AJAP1: variants seen among roughly 807,000 people sequenced by gnomAD.
AJAP1 encodes the protein adherens junction-associated protein 1.
AJAP1 carries 5 observed loss-of-function variants against 35.0 expected under a neutral mutation model. That is an observed-to-expected ratio of 0.14 (90% CI 0.07 to 0.30). AJAP1 has a LOEUF of 0.30. Ranked by LOEUF, AJAP1 falls within the 10% of genes least tolerant of loss-of-function variation. AJAP1 has a pLI of 1.00. For synonymous variants in AJAP1, 284 were observed against 249.3 expected (o/e 1.14, Z -1.31); for missense variants, 586 against 571.0 (o/e 1.03, Z -0.27).
chr1:4,748,562 A>G lies in AJAP1; in HGVS notation c.830-21291A>G, dbSNP rs1278048919. Among the ~76,000 whole-genome samples the G allele has an allele frequency of 2.0e-5, 3 of 152,216 alleles. No individual in the cohort carries two copies. In the East Asian group the frequency reaches 5.8e-4, roughly 29 times the overall value. On this transcript the variant is annotated intron_variant, in intron 2 of 5. Coordinates refer to ENST00000378191, the MANE Select transcript of AJAP1 (RefSeq NM_018836.4). ...CAGGAGTTTGAAACCAGCCTGGCCA[A>G]TATGGTAAAACCCTGTCTCTACTAA...
chr1:4,671,670 C>T (rs1404528678), intron 1 of AJAP1, among the ~76,000 whole-genome samples: 2 of 152,288 alleles, frequency 1.3e-5, no homozygotes, highest in African/African-American at 4.8e-5. Context: ...TATCCCCATT[C>T]ATCAAATGAT....
intron 1 of AJAP1, among the ~76,000 whole-genome samples, chr1:4,663,516 T>C (rs927505422): frequency 9.9e-5 from 15 of 152,136 alleles, no homozygotes; most frequent in African/African-American, 3.4e-4. Flanking sequence ...ACATTTCCCA[T>C]CCTGGGGTAG....
chr1:4,695,553 G>GA (rs1355990144), intron 1 of AJAP1, among the ~76,000 whole-genome samples: 1 of 152,194 alleles, frequency 6.6e-6, no homozygotes, highest in East Asian at 1.9e-4. Context: ...GCTGCTGTGA[G>GA]AAAGTACCAC....
At chr1:4,735,007 C>T (rs1212232152) in intron 2 of AJAP1, among the ~76,000 whole-genome samples, 3 of 152,262 alleles carry the variant, frequency 2.0e-5, no homozygotes, top group African/African-American at 7.2e-5. Context: ...GTCTTCACCT[C>T]AACTTCCCTG....
At chr1:4,750,527 T>C (rs1270204247) in intron 2 of AJAP1, among the ~76,000 whole-genome samples, 2 of 151,922 alleles carry the variant, frequency 1.3e-5, no homozygotes, top group Non-Finnish European at 2.9e-5. Flanking sequence ...CAGGCTGGGA[T>C]CAGTGGGTTC....
chr1:4,726,528 T>C (rs938137008), intron 2 of AJAP1, among the ~76,000 whole-genome samples: 4 of 152,062 alleles, frequency 2.6e-5, no homozygotes, highest in African/African-American at 9.7e-5. Context: ...GGAGATCCGG[T>C]TGTGGGGTCT....
chr1:4,692,321 C>T lies in AJAP1; in HGVS notation c.30-19579C>T, dbSNP rs1287886698. Reference sequence around the variant, plus strand: ...GCGCCCTGGGCTGCTCTCCTCTCTCCGTCTCTGGGCCCCTCATGCAGCCCT... The same window carrying T: ...GCGCCCTGGGCTGCTCTCCTCTCTCTGTCTCTGGGCCCCTCATGCAGCCCT... On this transcript the variant is annotated intron_variant, in intron 1 of 5. Coordinates refer to ENST00000378191, the MANE Select transcript of AJAP1 (RefSeq NM_018836.4). The surrounding 1 kb of genome is among the most constrained non-coding windows in gnomAD (Gnocchi z 4.4). Among the ~76,000 whole-genome samples, 1 of 152,270 alleles carries T rather than the reference C, an allele frequency of 6.6e-6. No individual in the cohort carries two copies. The highest frequency in any genetic ancestry group is 3.4e-3 in the Middle Eastern group (1 of 294).
At chr1:4,685,454 A>C (rs940722399) in intron 1 of AJAP1, among the ~76,000 whole-genome samples, 13 of 152,214 alleles carry the variant, frequency 8.5e-5, no homozygotes, top group African/African-American at 2.9e-4. Context: ...GAGGATGCTT[A>C]TTTAGGGGGT....
chr1:4,737,144 T>C (rs1640943867), intron 2 of AJAP1, among the ~76,000 whole-genome samples: 1 of 152,108 alleles, frequency 6.6e-6, no homozygotes, highest in South Asian at 2.1e-4. Context: ...GAGCGTCCTT[T>C]CCCTGCCTGC....
At chr1:4,765,968 G>C (rs1445389042) in intron 2 of AJAP1, among the ~76,000 whole-genome samples, 1 of 152,194 alleles carries the variant, frequency 6.6e-6, no homozygotes, top group Non-Finnish European at 1.5e-5. Context: ...AAGCTTTGAT[G>C]GTGGAGGAGC....
rs1170999027 is a variant in AJAP1, at chr1:4,720,411, T to C, written c.829+7712T>C. 6.6e-6 allele frequency among the ~76,000 whole-genome samples: 1 copy of C among 152,058 alleles called. No individual in the cohort carries two copies. The highest frequency in any genetic ancestry group is 1.5e-5 in the Non-Finnish European group (1 of 68,016). On this transcript the variant is annotated intron_variant, in intron 2 of 5. Coordinates refer to ENST00000378191, the MANE Select transcript of AJAP1 (RefSeq NM_018836.4). The surrounding 1 kb of genome is among the most constrained non-coding windows in gnomAD (Gnocchi z 4.4). The stretch of plus-strand genomic sequence containing the variant: ...GTTGGAGGAACAGAGAGGCTGAAAA[T>C]CTCCCTCCAGAGGTGACTGATAGGT...
At chr1:4,768,260 T>C (rs1429614688) in intron 2 of AJAP1, among the ~76,000 whole-genome samples, 1 of 152,212 alleles carries the variant, frequency 6.6e-6, no homozygotes, top group Non-Finnish European at 1.5e-5. Flanking sequence ...AGTTCCTGAA[T>C]CAGTGGATAG....
chr1:4,787,794 G>A lies in AJAP1; in HGVS notation c.*5309G>A, dbSNP rs541419067. 1.2e-4 allele frequency: 56 copies of A among 454,008 alleles called. No homozygotes were observed. Among genetic ancestry groups the A allele is most frequent in the African/African-American group, 1.1e-3 (53 of 50,164 alleles). 28.1% of individuals were successfully genotyped at this position (454,008 alleles called of 1,614,324 possible). On this transcript the variant is annotated 3_prime_UTR_variant, in exon 6 of 6. Coordinates refer to ENST00000378191, the MANE Select transcript of AJAP1 (RefSeq NM_018836.4). ...CAGCGACTTGGCCCACGGGGCACGG[G>A]CACCTTGGGGATGCCATTCTTCTTG...
chr1:4,757,709 C>A (rs985575900), intron 2 of AJAP1, among the ~76,000 whole-genome samples: 2 of 152,200 alleles, frequency 1.3e-5, no homozygotes, highest in African/African-American at 2.4e-5. Flanking sequence ...GGTTTGTAGC[C>A]TGTTCTGGAT....
rs767166379 is a variant in AJAP1, at chr1:4,655,496, G to A, written c.29+42G>A. ...GCGCCGGGTGCGTGTGGGCGCGTGG[G>A]TGCCAGGCTGGGCGGAAGCGGCGCT... On this transcript the variant is annotated intron_variant, in intron 1 of 5. Transcript: ENST00000378191. This position sits in a 1 kb window ranked among gnomAD's most constrained non-coding sequence, Gnocchi z 6.9. 2 of 1,554,350 alleles carry A rather than the reference G, an allele frequency of 1.3e-6. No homozygotes were observed. The highest frequency in any genetic ancestry group is 2.3e-5 in the South Asian group (2 of 86,560).
intron 1 of AJAP1, among the ~76,000 whole-genome samples, chr1:4,701,751 T>C (rs1639993798): frequency 6.6e-6 from 1 of 152,200 alleles, no homozygotes; most frequent in Admixed American, 6.5e-5. Context: ...TGGTCTGTGG[T>C]ACCACAGGAT....
At chr1:4,721,185 G>A (rs1640507901) in intron 2 of AJAP1, among the ~76,000 whole-genome samples, 1 of 152,210 alleles carries the variant, frequency 6.6e-6, no homozygotes, top group Non-Finnish European at 1.5e-5. Context: ...GCAGCTGGGA[G>A]AAGCCCAGGC....
chr1:4,702,712 G>A (rs1352836199), intron 1 of AJAP1, among the ~76,000 whole-genome samples: 3 of 152,136 alleles, frequency 2.0e-5, no homozygotes, highest in Admixed American at 6.5e-5. Flanking sequence ...CAGGGAGGAG[G>A]CGATTTTGGC....
intron 2 of AJAP1, among the ~76,000 whole-genome samples, chr1:4,751,798 C>T (rs1040348189): frequency 2.0e-5 from 3 of 152,190 alleles, no homozygotes; most frequent in Admixed American, 2.0e-4. Context: ...CTGCAAGGTG[C>T]GTTTCCACTA....
Sources: allele counts gnomAD v4.1 joint callset (sites outside exome capture counted in the v4.1 genomes callset), GRCh38; gene constraint gnomAD v4.1.1; non-coding constraint Gnocchi (gnomAD v3.1); transcripts MANE v1.5; gene names NCBI Gene and HGNC (gene_info 2026-07-23, HGNC 2026-07-21).